Variants in IPO8 observed in about 807,000 individuals in gnomAD.
IPO8 encodes importin-8.
In IPO8, 65 loss-of-function variants were observed where a neutral mutation model predicts 141.2. That is an observed-to-expected ratio of 0.46 (90% CI 0.38 to 0.57). The LOEUF (loss-of-function observed/expected upper bound fraction) is 0.57, where lower values mean the gene tolerates loss of function less well. Among genes scored for constraint, IPO8 ranks in the 20% least tolerant of loss-of-function variants. The probability of loss-of-function intolerance (pLI) is 0.00; values close to 1 mark genes in which losing one functional copy is unlikely to be tolerated. For synonymous variants in IPO8, 411 were observed against 420.3 expected (o/e 0.98, Z 0.27); for missense variants, 980 against 1,246.8 (o/e 0.79, Z 3.22).
chr12:30,642,134 T>G (rs1007827896), intron 20 of IPO8, among the ~76,000 whole-genome samples: 3 of 151,954 alleles, frequency 2.0e-5, no homozygotes, highest in African/African-American at 7.3e-5. Flanking sequence ...AGATGGAGGT[T>G]GCAGTGAGCC....
Position 30,630,986 on chromosome 12 carries a change from A to AG in IPO8, c.3017-30dup, listed in dbSNP as rs756440099. ...GCATTTTTCAAAAGAAAAGGGGAGA[A>AG]GAAAAAAAAAGAATGCTTAAGGTGA... is the stretch of plus-strand genomic sequence containing the variant. On this transcript the variant is annotated intron_variant, in intron 24 of 24. Transcript: ENST00000256079. 29 of 1,548,818 alleles carry AG rather than the reference A, an allele frequency of 1.9e-5. No homozygotes were observed. In the Admixed American group the frequency reaches 2.9e-4, roughly 16 times the overall value.
At position 30,695,821 on chromosome 12, in the gene IPO8, T is replaced by A. The variant is rs1413114175; in HGVS notation, c.-174A>T. 2.1e-6 allele frequency: 1 copy of A among 482,582 alleles called. No homozygotes were observed. Among genetic ancestry groups the A allele is most frequent in the Non-Finnish European group, 3.5e-6 (1 of 282,508 alleles). 29.9% of individuals were successfully genotyped at this position (482,582 alleles called of 1,614,324 possible). On this transcript the variant is annotated 5_prime_UTR_variant, in exon 1 of 25. Coordinates refer to ENST00000256079, the MANE Select transcript of IPO8 (RefSeq NM_006390.4). This position sits in a 1 kb window ranked among gnomAD's most constrained non-coding sequence, Gnocchi z 4.2. ...TGCGCCACTCTGACTCCGCGCCCCCTGTCCTCCCTTTTTCCCCCCCACAAC... is the reference window on the plus strand; with the variant it reads ...TGCGCCACTCTGACTCCGCGCCCCCAGTCCTCCCTTTTTCCCCCCCACAAC...
At chr12:30,686,579 C>T (rs2053244765) in intron 2 of IPO8, 2 of 152,160 alleles carry the variant, frequency 1.3e-5, no homozygotes. Context: ...AACTCCTGGG[C>T]TCAAGTGATC....
In IPO8 at chr12:30,695,331, CG is replaced by C. The variant is rs1187826563; in HGVS notation, c.84+232del. ...AACAAACTGCCCTGGAGAAGGGAGA[CG>C]ACACGAAAAGGTGCAAAGGTGGCCA... On this transcript the variant is annotated intron_variant, in intron 1 of 24. Transcript: ENST00000256079. The surrounding 1 kb of genome is among the most constrained non-coding windows in gnomAD (Gnocchi z 4.2). Among the ~76,000 whole-genome samples the C allele has an allele frequency of 2.6e-5, 4 of 152,184 alleles. No homozygotes were observed. The highest frequency in any genetic ancestry group is 5.9e-5 in the Non-Finnish European group (4 of 68,040).
At chr12:30,634,028 GAAGA>G (rs1591948836) in intron 23 of IPO8, 51 bp downstream of exon 23, 1 of 1,488,028 alleles carries the variant, frequency 6.7e-7, no homozygotes, top group East Asian at 2.3e-5. Context: ...AGGAAGAAAT[GAAGA>G]AAGAGTTTAG....
chr12:30,654,558 G>A (rs766951154), intron 17 of IPO8, among the ~76,000 whole-genome samples: 8 of 151,660 alleles, frequency 5.3e-5, no homozygotes, highest in Non-Finnish European at 1.0e-4. Flanking sequence ...ATGGGCAAAG[G>A]AACTGAATGG....
chr12:30,664,938 C>T (rs957309303), intron 13 of IPO8, among the ~76,000 whole-genome samples: 5 of 152,132 alleles, frequency 3.3e-5, no homozygotes, highest in African/African-American at 7.2e-5. Context: ...CAGGGTTTCA[C>T]CATGTTGGCC....
chr12:30,635,022 C>G (rs975366978), intron 22 of IPO8, among the ~76,000 whole-genome samples: 11 of 152,076 alleles, frequency 7.2e-5, no homozygotes, highest in Admixed American at 2.0e-4. Context: ...TCCAACAACA[C>G]TGATGAACTT....
chr12:30,679,070 C>A (rs1054719743), intron 5 of IPO8, among the ~76,000 whole-genome samples: 1 of 152,156 alleles, frequency 6.6e-6, no homozygotes, highest in Non-Finnish European at 1.5e-5. Flanking sequence ...AACTCCAGAC[C>A]TCAGGTGACC....
intron 11 of IPO8, 63 bp downstream of exon 11, chr12:30,666,112 C>CT: frequency 2.0e-6 from 2 of 1,001,652 alleles, no homozygotes. Flanking sequence ...TAGGGATATA[C>CT]TAGAGTATCA....
intron 5 of IPO8, 134 bp downstream of exon 5, chr12:30,680,348 C>A (rs2053175937): frequency 1.6e-6 from 1 of 631,404 alleles, no homozygotes; most frequent in African/African-American, 1.9e-5. Flanking sequence ...ACCTGTTCCT[C>A]ATAAGCATTT....
chr12:30,691,992 GT>G (rs2053295047), intron 1 of IPO8, among the ~76,000 whole-genome samples: 1 of 152,102 alleles, frequency 6.6e-6, no homozygotes, highest in Admixed American at 6.5e-5. Flanking sequence ...TTTCAAAGCA[GT>G]TTTTAAGAAA....
chr12:30,687,477 A>C (rs2053252752), intron 2 of IPO8, among the ~76,000 whole-genome samples: 1 of 151,244 alleles, frequency 6.6e-6, no homozygotes, highest in Non-Finnish European at 1.5e-5. Context: ...GGGTTTCATA[A>C]CCTCAAAGTG....
At chr12:30,647,333 G>GA (rs1243552951) in intron 20 of IPO8, among the ~76,000 whole-genome samples, 2 of 151,838 alleles carry the variant, frequency 1.3e-5, no homozygotes, top group African/African-American at 4.8e-5. Context: ...CTAAATATAA[G>GA]AAAAAAACTA....
At chr12:30,671,448 C>A (rs1399300784) in intron 8 of IPO8, among the ~76,000 whole-genome samples, 1 of 151,878 alleles carries the variant, frequency 6.6e-6, no homozygotes, top group East Asian at 1.9e-4. Context: ...CCGAGGCGGG[C>A]GGATCACGAG....
Position 30,652,198 on chromosome 12 carries a change from A to G in IPO8, c.2166T>C (p.Cys722=). The G allele has an allele frequency of 6.4e-7, 1 of 1,551,758 alleles. No individual in the cohort carries two copies. The highest frequency in any genetic ancestry group is 1.1e-5 in the South Asian group (1 of 89,504). Residue 722 remains cysteine, a synonymous_variant, in exon 19 of 25, where the codon TGT becomes TGC. Transcript: ENST00000256079. ...AKHLEILFTM[C]RKVLCGDAGE... is the part of the protein sequence containing the mutation. ...TAGATTAGGTCATGCTTACCTTCCT[A>G]CACATTGTAAAAAGAATTTCTAAAT...
intron 22 of IPO8, 107 bp downstream of exon 22, chr12:30,636,875 C>T (rs1001160169): frequency 5.4e-6 from 5 of 922,906 alleles, no homozygotes; most frequent in African/African-American, 1.7e-5. Flanking sequence ...TGTAGCAGGC[C>T]GAAGAATGTA....
At chr12:30,661,292 C>T (rs1290451748) in intron 15 of IPO8, 26 bp from the exon 16 acceptor site, 39 of 1,560,390 alleles carry the variant, frequency 2.5e-5, no homozygotes, top group Non-Finnish European at 3.1e-5. Flanking sequence ...TAAAGTATTC[C>T]GCAATTAGTA....
intron 14 of IPO8, 45 bp from the exon 15 acceptor site, chr12:30,662,532 A>C (rs2052902948): frequency 6.9e-7 from 1 of 1,456,974 alleles, no homozygotes; most frequent in Non-Finnish European, 9.5e-7. Context: ...TACCATGCCC[A>C]GATGATAAAA....
Sources: allele counts gnomAD v4.1 joint callset (sites outside exome capture counted in the v4.1 genomes callset), GRCh38; gene constraint gnomAD v4.1.1; non-coding constraint Gnocchi (gnomAD v3.1); transcripts MANE v1.5; gene names NCBI Gene and HGNC (gene_info 2026-07-23, HGNC 2026-07-21).